Variants in DNAJC21 observed in about 807,000 individuals in gnomAD.
DNAJC21 encodes dnaJ homolog subfamily C member 21.
A neutral mutation model predicts 72.4 loss-of-function variants in DNAJC21; 63 were observed. The observed-to-expected ratio is 0.87, with a 90% CI of 0.71 to 1.07. The LOEUF is 1.07. DNAJC21 is among the 50% of genes least tolerant of loss of function. The probability of loss-of-function intolerance (pLI) is 0.00; values close to 1 mark genes in which losing one functional copy is unlikely to be tolerated. For synonymous variants in DNAJC21, 203 were observed against 216.7 expected (o/e 0.94, Z 0.56); for missense variants, 634 against 644.8 (o/e 0.98, Z 0.18).
At chr5:34,953,769 C>A in intron 10 of DNAJC21, 157 bp from the exon 11 acceptor site, 1 of 430,462 alleles carries the variant, frequency 2.3e-6, no homozygotes. Flanking sequence ...TAAAGATGTT[C>A]ATTTAAGATG....
intron 1 of DNAJC21, among the ~76,000 whole-genome samples, chr5:34,931,590 A>G (rs1393610197): frequency 3.9e-5 from 6 of 152,164 alleles, no homozygotes; most frequent in Non-Finnish European, 8.8e-5. Context: ...ATCAGATTGT[A>G]TTTCTTGTAA....
At chr5:34,949,033 G>A (rs879768198) in intron 9 of DNAJC21, among the ~76,000 whole-genome samples, 4 of 152,024 alleles carry the variant, frequency 2.6e-5, no homozygotes, top group Non-Finnish European at 4.4e-5. Context: ...AAGTATATTC[G>A]GTAAATGGTC....
Position 34,944,948 on chromosome 5 carries a change from T to A in DNAJC21, c.1065T>A (p.Asn355Lys). 1 of 1,613,730 alleles carries A rather than the reference T, an allele frequency of 6.2e-7. No homozygotes were observed. Among genetic ancestry groups the A allele is most frequent in the Non-Finnish European group, 8.5e-7 (1 of 1,179,982 alleles). ...AACAGCTGGAGGAGGAAGAAGAAAA[T>A]TTTTCAAGACCTCAAATTGATGAAA... is the stretch of plus-strand genomic sequence containing the variant. ...LKQQLEEEEE[N>K]FSRPQIDENP... The change falls in exon 8 of 12, where the codon AAT (asparagine) becomes AAA (lysine). Residue 355 changes from asparagine (N) to lysine (K), a missense_variant. Transcript: ENST00000648817.
intron 9 of DNAJC21, among the ~76,000 whole-genome samples, chr5:34,947,408 G>A (rs1232251593): frequency 1.3e-5 from 2 of 152,138 alleles, no homozygotes; most frequent in Non-Finnish European, 2.9e-5. Context: ...CAATTTCATA[G>A]AGGAGGCATT....
At chr5:34,941,856 A>G (rs1005000413) in intron 7 of DNAJC21, among the ~76,000 whole-genome samples, 2 of 151,178 alleles carry the variant, frequency 1.3e-5, no homozygotes, top group Non-Finnish European at 2.9e-5. Context: ...CGTGAGCCAC[A>G]GCGCCTGGCC....
Position 34,957,148 on chromosome 5 carries a change from T to C in DNAJC21, c.*2434T>C, listed in dbSNP as rs1033902230. ...ATATTTTGCTAAGGGTAAAATATTT[T>C]TGGTGAATTGCAGACATTTAATTTC... On this transcript the variant is annotated 3_prime_UTR_variant, in exon 12 of 12. Transcript: ENST00000648817. 2 of 152,182 alleles carry C rather than the reference T, an allele frequency of 1.3e-5. No homozygotes were observed. The highest frequency in any genetic ancestry group is 4.8e-5 in the African/African-American group (2 of 41,440). The allele number at this position is 152,182 out of a possible 1,614,324, so 9.4% of individuals were successfully genotyped here. A position where few individuals can be genotyped will look rare whatever the true frequency, so the allele number is the denominator to read the frequency against.
At chr5:34,939,119 A>C in intron 6 of DNAJC21, 110 bp downstream of exon 6, 2 of 1,056,102 alleles carry the variant, frequency 1.9e-6, no homozygotes, top group Non-Finnish European at 2.7e-6. Context: ...AATTAAAAAT[A>C]ATGTTGTATG....
chr5:34,929,963 C>T, intron 1 of DNAJC21, 47 bp downstream of exon 1: 2 of 1,444,930 alleles, frequency 1.4e-6, no homozygotes, highest in Non-Finnish European at 1.9e-6. Context: ...AGAAGCCCGG[C>T]CCTCCCCGAC....
rs569504801 is a variant in DNAJC21, at chr5:34,958,151, G to A, written c.*3437G>A. On this transcript the variant is annotated 3_prime_UTR_variant, in exon 12 of 12. Coordinates refer to ENST00000648817, the MANE Select transcript of DNAJC21 (RefSeq NM_001012339.3). The stretch of plus-strand genomic sequence containing the variant: ...GTTACACCTCAAAATGTGTTACATG[G>A]GAAGAAAAAGATTAAGAAAAAGCAA... 6.6e-6 allele frequency: 1 copy of A among 152,304 alleles called. No homozygotes were observed. Among genetic ancestry groups the A allele is most frequent in the South Asian group, 2.1e-4 (1 of 4,824 alleles). 9.4% of individuals were successfully genotyped at this position (152,304 alleles called of 1,614,324 possible). A position where few individuals can be genotyped will look rare whatever the true frequency, so the allele number is the denominator to read the frequency against.
intron 8 of DNAJC21, among the ~76,000 whole-genome samples, chr5:34,945,349 G>A (rs1035838759): frequency 6.6e-6 from 1 of 152,122 alleles, no homozygotes; most frequent in African/African-American, 2.4e-5. Flanking sequence ...GAGTGCTGGG[G>A]TTACAGGTGT....
chr5:34,941,502 C>T (rs137891515), intron 7 of DNAJC21, among the ~76,000 whole-genome samples: 193 of 150,696 alleles, frequency 1.3e-3, no homozygotes, highest in African/African-American at 4.3e-3. Flanking sequence ...GGATTGCAAG[C>T]GTGAGCCACT....
In DNAJC21 at chr5:34,937,559, G is replaced by A; in HGVS notation, c.672G>A (p.Val224=). 2 of 1,613,976 alleles carry A rather than the reference G, an allele frequency of 1.2e-6. No individual in the cohort carries two copies. The highest frequency in any genetic ancestry group is 1.3e-5 in the African/African-American group (1 of 75,042). ...DKRVQAHRKL[V]EEQNAEKARK... ...GAGTGCAGGCGCATCGAAAACTTGTGGAAGAACAGAATGCAGAGAAGGCGA... is the reference window on the plus strand; with the variant it reads ...GAGTGCAGGCGCATCGAAAACTTGTAGAAGAACAGAATGCAGAGAAGGCGA... The change falls in exon 5 of 12, where the codon GTG becomes GTA. Residue 224 remains valine (V), a synonymous_variant. Coordinates refer to ENST00000648817, the MANE Select transcript of DNAJC21 (RefSeq NM_001012339.3).
At chr5:34,934,643 A>G (rs1183703162) in intron 2 of DNAJC21, among the ~76,000 whole-genome samples, 3 of 152,206 alleles carry the variant, frequency 2.0e-5, no homozygotes, top group Non-Finnish European at 4.4e-5. Context: ...TGATCATTTA[A>G]AATAATTTCC....
chr5:34,936,761 T>G (rs907615075), intron 4 of DNAJC21, among the ~76,000 whole-genome samples: 10 of 152,166 alleles, frequency 6.6e-5, no homozygotes, highest in African/African-American at 2.4e-4. Context: ...ATTTGTTTAT[T>G]TTTTTTGAGA....
rs540465083 is a variant in DNAJC21, at chr5:34,953,579, A to G, written c.1359-347A>G. The G allele has an allele frequency of 2.6e-4, 41 of 159,738 alleles. No homozygotes were observed. The South Asian group carries it at 7.5e-3, about 29-fold the overall frequency. The allele number at this position is 159,738 out of a possible 1,614,324, so 9.9% of individuals were successfully genotyped here. ...TGCCTGGCAGTGTTTTTATGAAAAC[A>G]CTGTATAAAACATTCTGTATAAAAC... is the stretch of plus-strand genomic sequence containing the variant. On this transcript the variant is annotated intron_variant, in intron 10 of 11. Transcript: ENST00000648817.
At chr5:34,935,416 G>A (rs1764735163) in intron 2 of DNAJC21, among the ~76,000 whole-genome samples, 1 of 152,148 alleles carries the variant, frequency 6.6e-6, no homozygotes, top group South Asian at 2.1e-4. Flanking sequence ...TTTCTTTCCT[G>A]TGGAAGTACG....
chr5:34,937,529 T>G lies in DNAJC21; in HGVS notation c.642T>G (p.Asp214Glu), dbSNP rs1253330897. 3.1e-6 allele frequency: 5 copies of G among 1,613,858 alleles called. No individual in the cohort carries two copies. Among genetic ancestry groups the G allele is most frequent in the East Asian group, 2.2e-5 (1 of 44,890 alleles). The stretch of plus-strand genomic sequence containing the variant: ...TGGTAGCTTTCATTCGTAAAAGAGA[T>G]AAAAGAGTGCAGGCGCATCGAAAAC... ...RQLVAFIRKR[D>E]KRVQAHRKLV... Residue 214 changes from aspartate to glutamate, a missense_variant, in exon 5 of 12, where the codon GAT becomes GAG. Transcript: ENST00000648817.
intron 9 of DNAJC21, chr5:34,949,561 T>G (rs758244844): frequency 4.5e-6 from 7 of 1,559,390 alleles, no homozygotes; most frequent in Non-Finnish European, 6.1e-6. Flanking sequence ...TGGCAAAGAT[T>G]CATATCTGCC....
At chr5:34,954,173 A>T (rs1580544045) in intron 11 of DNAJC21, 172 bp downstream of exon 11, 1 of 562,082 alleles carries the variant, frequency 1.8e-6, no homozygotes, top group Non-Finnish European at 3.0e-6. Flanking sequence ...CATTAAAATA[A>T]AAAGAAGCAC....
Sources: allele counts gnomAD v4.1 joint callset (sites outside exome capture counted in the v4.1 genomes callset), GRCh38; gene constraint gnomAD v4.1.1; transcripts MANE v1.5; gene names NCBI Gene and HGNC (gene_info 2026-07-23, HGNC 2026-07-21).